The following FOCAD variants were observed in gnomAD, a reference collection of about 807,000 sequenced individuals.
The protein encoded by FOCAD is KIAA1797.
A neutral mutation model predicts 225.6 loss-of-function variants in FOCAD; 198 were observed. The observed-to-expected ratio is 0.88, with a 90% CI of 0.78 to 0.99. FOCAD has a LOEUF of 0.99. Among genes scored for constraint, FOCAD ranks in the 50% least tolerant of loss-of-function variants. The pLI, the probability that FOCAD is intolerant of heterozygous loss-of-function variation, is 0.00. For missense variants in FOCAD, 2,713 were observed against 2,123.6 expected (o/e 1.28, Z -5.46); for synonymous variants, 897 against 755.0 (o/e 1.19, Z -3.08).
chr9:20,700,732 C>A (rs746790215), intron 1 of FOCAD, among the ~76,000 whole-genome samples: 1 of 152,160 alleles, frequency 6.6e-6, no homozygotes, highest in African/African-American at 2.4e-5. Context: ...ATATAGATTC[C>A]TCTCTATTTC....
chr9:20,845,442 G>GAGATATATATATATATATATATATAT (rs368497237), intron 15 of FOCAD, among the ~76,000 whole-genome samples: 194 of 121,174 alleles, frequency 1.6e-3, no homozygotes, highest in African/African-American at 4.9e-3. Context: ...TCTTTTCCTC[G>GAGATATATATATATATATATATATAT]ATATATATAT....
At chr9:20,892,240 C>G (rs1206410066) in intron 21 of FOCAD, among the ~76,000 whole-genome samples, 1 of 152,124 alleles carries the variant, frequency 6.6e-6, no homozygotes, top group Non-Finnish European at 1.5e-5. Flanking sequence ...AACACAACAT[C>G]CATTCTGCAG....
intron 30 of FOCAD, among the ~76,000 whole-genome samples, chr9:20,947,685 A>C (rs995363443): frequency 1.3e-5 from 2 of 152,156 alleles, no homozygotes; most frequent in African/African-American, 2.4e-5. Flanking sequence ...CTGAAAAAAA[A>C]CATTTTATCT....
intron 4 of FOCAD, among the ~76,000 whole-genome samples, chr9:20,723,419 C>T (rs1332446106): frequency 2.6e-5 from 4 of 152,152 alleles, no homozygotes; most frequent in Admixed American, 1.3e-4. Context: ...ACCCGGGAGG[C>T]GGATCTTGCA....
chr9:20,759,407 G>A (rs933616276), intron 6 of FOCAD, among the ~76,000 whole-genome samples: 155 of 152,178 alleles, frequency 1.0e-3, no homozygotes, highest in African/African-American at 3.5e-3. Context: ...AAATAACGCC[G>A]CATATCTACA....
intron 11 of FOCAD, among the ~76,000 whole-genome samples, chr9:20,793,475 G>A (rs1288133728): frequency 6.6e-6 from 1 of 152,138 alleles, no homozygotes; most frequent in Non-Finnish European, 1.5e-5. Flanking sequence ...GTGTTGGGCT[G>A]TTACTTCTGA....
intron 15 of FOCAD, among the ~76,000 whole-genome samples, chr9:20,856,496 G>T (rs1216153833): frequency 6.6e-6 from 1 of 151,826 alleles, no homozygotes; most frequent in Non-Finnish European, 1.5e-5. Flanking sequence ...TTAATTCCTT[G>T]TCAAATTTAT....
At chr9:20,858,463 A>G (rs1828432085) in intron 15 of FOCAD, among the ~76,000 whole-genome samples, 1 of 151,536 alleles carries the variant, frequency 6.6e-6, no homozygotes, top group African/African-American at 2.4e-5. Context: ...CCCCTTTTTC[A>G]TCTCTGATTT....
chr9:20,892,977 G>T (rs747496446), intron 21 of FOCAD, among the ~76,000 whole-genome samples: 3 of 151,952 alleles, frequency 2.0e-5, no homozygotes, highest in Non-Finnish European at 4.4e-5. Flanking sequence ...AGTTGCCAAA[G>T]ATTTATATAA....
At chr9:20,828,796 TC>T (rs1293479230) in intron 15 of FOCAD, among the ~76,000 whole-genome samples, 1 of 151,962 alleles carries the variant, frequency 6.6e-6, no homozygotes, top group Non-Finnish European at 1.5e-5. Flanking sequence ...CCGCAACCCC[TC>T]CCCTGACAGT....
intron 11 of FOCAD, among the ~76,000 whole-genome samples, chr9:20,816,926 G>T (rs904943863): frequency 6.6e-6 from 1 of 152,108 alleles, no homozygotes; most frequent in African/African-American, 2.4e-5. Context: ...GAAAGGATGT[G>T]CATAGGTTGT....
At chr9:20,752,618 C>G (rs1828672635) in intron 5 of FOCAD, among the ~76,000 whole-genome samples, 2 of 151,936 alleles carry the variant, frequency 1.3e-5, no homozygotes, top group South Asian at 4.2e-4. Flanking sequence ...GTTCTTTTGG[C>G]TTAGGATTGA....
intron 15 of FOCAD, among the ~76,000 whole-genome samples, chr9:20,837,938 T>G (rs909022318): frequency 1.3e-5 from 2 of 152,108 alleles, no homozygotes; most frequent in Non-Finnish European, 2.9e-5. Flanking sequence ...TAAAATAACA[T>G]ATACTGAAAT....
At chr9:20,760,321 A>G (rs560216263) in intron 6 of FOCAD, among the ~76,000 whole-genome samples, 1 of 152,384 alleles carries the variant, frequency 6.6e-6, no homozygotes, top group African/African-American at 2.4e-5. Context: ...TGGGAAAACA[A>G]AAAGGATTGG....
intron 19 of FOCAD, chr9:20,875,483 A>G (rs1210212296): frequency 6.6e-6 from 1 of 151,932 alleles, no homozygotes; most frequent in African/African-American, 2.4e-5. Flanking sequence ...AGTTCCAGCT[A>G]TTTGGGTGGC....
At chr9:20,860,456 A>G (rs1828663456) in intron 15 of FOCAD, among the ~76,000 whole-genome samples, 2 of 152,110 alleles carry the variant, frequency 1.3e-5, no homozygotes, top group African/African-American at 4.8e-5. Context: ...GAATAGTGCA[A>G]AGCTCTCTTA....
intron 11 of FOCAD, among the ~76,000 whole-genome samples, chr9:20,790,298 A>G (rs759285058): frequency 1.3e-5 from 2 of 152,098 alleles, no homozygotes; most frequent in East Asian, 1.9e-4. Flanking sequence ...TGCATTTCCT[A>G]TAAAGGAAAG....
At chr9:20,956,146 G>A (rs1838118687) in intron 35 of FOCAD, among the ~76,000 whole-genome samples, 1 of 152,156 alleles carries the variant, frequency 6.6e-6, no homozygotes, top group South Asian at 2.1e-4. Context: ...GTACAGGTAG[G>A]CATATGCTCC....
At chr9:20,826,434 CT>C (rs1242797052) in intron 15 of FOCAD, among the ~76,000 whole-genome samples, 1 of 152,070 alleles carries the variant, frequency 6.6e-6, no homozygotes, top group African/African-American at 2.4e-5. Flanking sequence ...GGCCCTCAGT[CT>C]TTTGGCCACG....
Sources: gnomAD v4.1 joint callset for allele counts (sites outside exome capture counted in the v4.1 genomes callset) on GRCh38, gnomAD v4.1.1 for gene constraint, MANE v1.5 for transcripts, NCBI Gene and HGNC (gene_info 2026-07-23, HGNC 2026-07-21) for gene names.